Variants in CEP290 observed in about 807,000 individuals in gnomAD.
CEP290 encodes the protein centrosomal protein 290.
Under a neutral mutation model 344.9 loss-of-function variants are expected in CEP290, and 317 were observed. The ratio of observed to expected loss-of-function variants is 0.92; its 90% confidence interval spans 0.84 to 1.01. The LOEUF (loss-of-function observed/expected upper bound fraction) is 1.01. Ranked by LOEUF, CEP290 falls within the 50% of genes least tolerant of loss-of-function variation. The pLI, the probability that CEP290 is intolerant of heterozygous loss-of-function variation, is 0.00. For missense variants in CEP290, 2,754 were observed against 2,761.4 expected (o/e 1.00, Z 0.06); for synonymous variants, 932 against 895.8 (o/e 1.04, Z -0.72).
rs1427374639 is a variant in CEP290 at position 88,087,818 on chromosome 12, T to C, written c.4156A>G (p.Ile1386Val). Residue 1386 changes from isoleucine to valine, a missense_variant, in exon 32 of 54, where the codon ATC becomes GTC. Ile to Val is a conservative substitution (Grantham distance 29). Coordinates refer to ENST00000552810, the MANE Select transcript of CEP290 (RefSeq NM_025114.4). ...NNIISEYERT[I>V]SSLEEEIVQQ... The stretch of plus-strand genomic sequence containing the variant: ...ACAATTTCTTCTTCAAGACTGCTGA[T>C]TGTACGTTCATATTCAGAAATTATG... 4 of 1,291,342 alleles carry C rather than the reference T, an allele frequency of 3.1e-6. No individual in the cohort carries two copies. Among genetic ancestry groups the C allele is most frequent in the Non-Finnish European group, 4.0e-6 (4 of 1,001,826 alleles). 80.0% of individuals were successfully genotyped at this position (1,291,342 alleles called of 1,614,324 possible).
At chr12:88,058,738 A>G (rs2034218894) in intron 49 of CEP290, 110 bp downstream of exon 49, 1 of 1,045,110 alleles carries the variant, frequency 9.6e-7, no homozygotes, top group Non-Finnish European at 1.4e-6. Flanking sequence ...ACAACCAAAC[A>G]AACTGTTCAT....
Position 88,126,381 on chromosome 12 carries a change from G to T in CEP290, c.1000C>A (p.Leu334Ile). ...TGAGCATTCTTAAGTTTCTCCCTTAGGTTATGTAACATTTGCTGATACTCA... is the reference window on the plus strand; with the variant it reads ...TGAGCATTCTTAAGTTTCTCCCTTATGTTATGTAACATTTGCTGATACTCA... ...IIEYQQMLHNLREKLKNAQLD... is the reference protein window; with the variant it reads ...IIEYQQMLHNIREKLKNAQLD... Residue 334 changes from leucine to isoleucine, a missense_variant, in exon 12 of 54, where the codon CTA becomes ATA. Physicochemically the swap from Leu to Ile is conservative, Grantham distance 5. Transcript: ENST00000552810. 1 of 1,518,492 alleles carries T rather than the reference G, an allele frequency of 6.6e-7. No individual in the cohort carries two copies. Among genetic ancestry groups the T allele is most frequent in the Non-Finnish European group, 8.8e-7 (1 of 1,137,846 alleles). The allele number at this position is 1,518,492 out of a possible 1,614,324, so 94.1% of individuals were successfully genotyped here.
intron 18 of CEP290, chr12:88,115,936 C>A: frequency 1.0e-6 from 1 of 984,704 alleles, no homozygotes. Context: ...TTTATTATAT[C>A]TTCTTTCAAA....
intron 41 of CEP290, among the ~76,000 whole-genome samples, chr12:88,073,057 TG>T (rs2035502336): frequency 6.6e-6 from 1 of 152,220 alleles, no homozygotes; most frequent in African/African-American, 2.4e-5. Context: ...TCTCATGCAC[TG>T]AACAACTTTC....
intron 38 of CEP290, among the ~76,000 whole-genome samples, chr12:88,079,706 A>T (rs755788883): frequency 6.6e-6 from 1 of 151,912 alleles, no homozygotes; most frequent in East Asian, 1.9e-4. Context: ...GAGATAAACT[A>T]AAAAAAACCC....
intron 41 of CEP290, among the ~76,000 whole-genome samples, chr12:88,075,223 T>C (rs1483029142): frequency 6.6e-6 from 1 of 152,108 alleles, no homozygotes; most frequent in East Asian, 1.9e-4. Context: ...AGAAGTCTTT[T>C]GCATTGATTG....
intron 22 of CEP290, among the ~76,000 whole-genome samples, chr12:88,110,469 G>C (rs2038605234): frequency 6.6e-6 from 1 of 152,058 alleles, no homozygotes; most frequent in South Asian, 2.1e-4. Flanking sequence ...CTAGCACCTT[G>C]GGAGGCCAAG....
rs767015125 is a variant in CEP290, at chr12:88,096,223, A to G, written c.3103+665T>C. 1.3e-3 allele frequency among the ~76,000 whole-genome samples: 194 copies of G among 152,050 alleles called. 1 individual carries two copies. The highest frequency in any genetic ancestry group is 2.2e-3 in the Non-Finnish European group (149 of 67,974). The stretch of plus-strand genomic sequence containing the variant: ...GCCACCACGCCTGGCTAATTTTTGT[A>G]CTTTTAGTAGAGATGGGGTTTTGCC... On this transcript the variant is annotated intron_variant, in intron 27 of 53. Coordinates refer to ENST00000552810, the MANE Select transcript of CEP290 (RefSeq NM_025114.4).
At chr12:88,108,761 C>CT (rs2137656353) in intron 23 of CEP290, among the ~76,000 whole-genome samples, 1 of 152,220 alleles carries the variant, frequency 6.6e-6, no homozygotes, top group Admixed American at 6.5e-5. Flanking sequence ...AAGGGTATTA[C>CT]TTACAAAGTA....
chr12:88,121,031 A>T lies in CEP290; in HGVS notation c.1325T>A (p.Val442Asp), dbSNP rs1238835456. 3 of 1,613,246 alleles carry T rather than the reference A, an allele frequency of 1.9e-6. No individual in the cohort carries two copies. Residue 442 changes from valine to aspartate, a missense_variant, in exon 14 of 54, where the codon GTT (valine) becomes GAT (aspartate). Transcript: ENST00000552810. ...ATCTTTTAACCTCTTCAGAGCCTCA[A>T]CTAATTCTTTATCCTTTTCCCTAGC... ...ADAREKDKEL[V>D]EALKRLKDYE...
At chr12:88,089,867 C>T (rs2036892085) in intron 30 of CEP290, among the ~76,000 whole-genome samples, 1 of 151,974 alleles carries the variant, frequency 6.6e-6, no homozygotes, top group African/African-American at 2.4e-5. Context: ...GCTGGGATTA[C>T]AGGCACATGC....
In CEP290 at chr12:88,049,283, T is replaced by C. The variant is rs1415533078; in HGVS notation, c.7341A>G (p.Lys2447=). The C allele has an allele frequency of 2.5e-6, 4 of 1,607,980 alleles. No homozygotes were observed. The highest frequency in any genetic ancestry group is 3.4e-6 in the Non-Finnish European group (4 of 1,176,612). The change falls in exon 54 of 54, where the codon AAA becomes AAG. Residue 2447 remains lysine, a synonymous_variant. Transcript: ENST00000552810. ...ATTCAACTCCCAATTGTTCTGAAAG[T>C]TTTTTTACCTTCTCTTCTAAGAGAA... The part of the protein sequence containing the change: ...KNILLEEKVK[K]LSEQLGVELT...
intron 45 of CEP290, among the ~76,000 whole-genome samples, chr12:88,063,600 C>A (rs1347905159): frequency 6.6e-6 from 1 of 151,976 alleles, no homozygotes; most frequent in Non-Finnish European, 1.5e-5. Flanking sequence ...GAAGACCTCC[C>A]TTACTACTCT....
intron 31 of CEP290, 84 bp downstream of exon 31, chr12:88,088,948 C>T (rs1343721517): frequency 1.1e-5 from 11 of 965,240 alleles, no homozygotes; most frequent in Non-Finnish European, 1.5e-5. Flanking sequence ...GGAGTTCCAG[C>T]TATGTTTGCA....
intron 18 of CEP290, chr12:88,115,405 G>A: frequency 1.0e-6 from 1 of 975,000 alleles, no homozygotes; most frequent in East Asian, 3.9e-5. Flanking sequence ...TCCATGGTAA[G>A]AGGCAAAAAG....
At chr12:88,062,580 A>G (rs139278074) in intron 46 of CEP290, 112 bp downstream of exon 46, 29 of 657,274 alleles carry the variant, frequency 4.4e-5, no homozygotes, top group African/African-American at 4.0e-4. Context: ...AAACACTGAA[A>G]CTACAGGGCA....
intron 6 of CEP290, 105 bp from the exon 7 acceptor site, chr12:88,131,323 G>GTGCGATCTCGGCTCAC: frequency 1.3e-6 from 1 of 763,724 alleles, no homozygotes. Flanking sequence ...GAGTACAGTG[G>GTGCGATCTCGGCTCAC]TGCGATCTCG....
intron 13 of CEP290, among the ~76,000 whole-genome samples, chr12:88,124,640 T>G (rs1401454530): frequency 6.6e-6 from 1 of 152,090 alleles, no homozygotes; most frequent in Non-Finnish European, 1.5e-5. Context: ...TGTGTATAAA[T>G]GTAGTGTATA....
chr12:88,050,390 CTG>C lies in CEP290; in HGVS notation c.7171_7172del (p.Gln2391AlafsTer26), dbSNP rs768864797. On this transcript the variant is annotated frameshift_variant, in exon 53 of 54. Transcript: ENST00000552810. LOFTEE classifies it high-confidence loss of function. ...LKEKIKDLET[Q>X]LKMSDLEKQH... ...GCTTTTCTAGATCTGACATTTTGAG[CTG>C]TGTCTCTAGATCTTTTATTTTTTCC... 3.8e-6 allele frequency: 6 copies of C among 1,563,206 alleles called. No individual in the cohort carries two copies. The South Asian group carries it at 5.8e-5, about 15-fold the overall frequency.
Sources: allele counts gnomAD v4.1 joint callset (sites outside exome capture counted in the v4.1 genomes callset), GRCh38; gene constraint gnomAD v4.1.1; transcripts MANE v1.5; gene names NCBI Gene and HGNC (gene_info 2026-07-23, HGNC 2026-07-21).